Variants in SH3GL2 observed in about 807,000 individuals in gnomAD.
SH3GL2 encodes endophilin-A1.
A neutral mutation model predicts 46.0 loss-of-function variants in SH3GL2; 24 were observed. The observed-to-expected ratio is 0.52, with a 90% confidence interval of 0.38 to 0.73. The LOEUF (loss-of-function observed/expected upper bound fraction) is 0.73. Ranked by LOEUF, SH3GL2 falls within the 30% of genes least tolerant of loss-of-function variation. The pLI is 0.00. For missense variants in SH3GL2, 413 were observed against 424.2 expected, an observed-to-expected ratio of 0.97 and a Z score of 0.23; for synonymous variants, 196 against 147.1, an observed-to-expected ratio of 1.33 and a Z score of -2.40.
At chr9:17,662,568 T>C (rs573211028) in intron 1 of SH3GL2, among the ~76,000 whole-genome samples, 21 of 152,294 alleles carry the variant, frequency 1.4e-4, no homozygotes, top group African/African-American at 5.1e-4. Flanking sequence ...TTTTCTAGTA[T>C]TTAGTGACTC....
chr9:17,604,420 C>G (rs752243261), intron 1 of SH3GL2, among the ~76,000 whole-genome samples: 1 of 152,220 alleles, frequency 6.6e-6, no homozygotes, highest in African/African-American at 2.4e-5. Flanking sequence ...ATAGTATTTT[C>G]ACACAGTAAG....
chr9:17,737,189 C>T (rs572167995), intron 1 of SH3GL2, among the ~76,000 whole-genome samples: 34 of 151,988 alleles, frequency 2.2e-4, no homozygotes, highest in African/African-American at 4.8e-4. Flanking sequence ...ACACCACACA[C>T]TGGCGCCTGT....
At chr9:17,793,916 A>G (rs1247002640) in intron 8 of SH3GL2, among the ~76,000 whole-genome samples, 1 of 152,248 alleles carries the variant, frequency 6.6e-6, no homozygotes, top group Non-Finnish European at 1.5e-5. Flanking sequence ...ATGCATTCGC[A>G]TATAACCCAC....
chr9:17,747,232 G>C, intron 2 of SH3GL2, 98 bp downstream of exon 2: 1 of 676,010 alleles, frequency 1.5e-6, no homozygotes, highest in South Asian at 1.9e-5. Context: ...GTTTTCCACT[G>C]GTCTCTGAGA....
intron 3 of SH3GL2, among the ~76,000 whole-genome samples, chr9:17,764,598 C>T (rs1420610697): frequency 6.6e-6 from 1 of 152,160 alleles, no homozygotes; most frequent in Non-Finnish European, 1.5e-5. Context: ...TTTACATGGA[C>T]AGGCCAGGGG....
intron 3 of SH3GL2, among the ~76,000 whole-genome samples, chr9:17,764,012 G>A (rs10963258): frequency 0.16 from 23,720 of 152,162 alleles, 2,305 homozygotes; most frequent in Middle Eastern, 0.26. Flanking sequence ...TAATTGAGAA[G>A]ATCTGAATGT....
At chr9:17,777,630 G>C (rs1398738391) in intron 3 of SH3GL2, among the ~76,000 whole-genome samples, 1 of 149,300 alleles carries the variant, frequency 6.7e-6, no homozygotes, top group African/African-American at 2.5e-5. Context: ...TCTCTTCCTG[G>C]CTGGTAGTTA....
intron 3 of SH3GL2, among the ~76,000 whole-genome samples, chr9:17,770,106 A>G (rs1256391972): frequency 1.3e-5 from 2 of 152,242 alleles, no homozygotes; most frequent in Non-Finnish European, 2.9e-5. Flanking sequence ...GATCAGTATC[A>G]GAGCTGTTCT....
chr9:17,682,723 C>A (rs73645129), intron 1 of SH3GL2, among the ~76,000 whole-genome samples: 3,729 of 150,896 alleles, frequency 0.025, 63 homozygotes, highest in South Asian at 0.032. Flanking sequence ...AAATAGGACA[C>A]AAGATCTATT....
At chr9:17,682,432 C>T (rs1168426871) in intron 1 of SH3GL2, among the ~76,000 whole-genome samples, 1 of 152,056 alleles carries the variant, frequency 6.6e-6, no homozygotes, top group East Asian at 1.9e-4. Context: ...AGCCAGAAGC[C>T]ATCATCCTCA....
chr9:17,655,470 A>G (rs1820052277), intron 1 of SH3GL2, among the ~76,000 whole-genome samples: 1 of 152,184 alleles, frequency 6.6e-6, no homozygotes. Flanking sequence ...TTACTGCTTC[A>G]TGATATGTTT....
At chr9:17,794,920 T>A (rs1461641614) in intron 8 of SH3GL2, among the ~76,000 whole-genome samples, 1 of 152,212 alleles carries the variant, frequency 6.6e-6, no homozygotes, top group African/African-American at 2.4e-5. Context: ...TACATCCAAT[T>A]TCAGACAGTG....
chr9:17,646,608 C>T (rs1456678898), intron 1 of SH3GL2, among the ~76,000 whole-genome samples: 1 of 152,102 alleles, frequency 6.6e-6, no homozygotes, highest in Non-Finnish European at 1.5e-5. Flanking sequence ...TTCTGTTTGT[C>T]AGTTTTCCTT....
At chr9:17,621,813 C>A (rs758411356) in intron 1 of SH3GL2, among the ~76,000 whole-genome samples, 1 of 152,162 alleles carries the variant, frequency 6.6e-6, no homozygotes, top group Non-Finnish European at 1.5e-5. Context: ...TGTAAAATTT[C>A]TGGTGATTTG....
At chr9:17,605,914 G>A (rs1420130071) in intron 1 of SH3GL2, among the ~76,000 whole-genome samples, 1 of 152,154 alleles carries the variant, frequency 6.6e-6, no homozygotes, top group Admixed American at 6.5e-5. Context: ...GGCCCAGGCA[G>A]TAACTGAACT....
At chr9:17,791,524 C>G (rs776988580) in intron 7 of SH3GL2, among the ~76,000 whole-genome samples, 190 bp downstream of exon 7, 1 of 152,122 alleles carries the variant, frequency 6.6e-6, no homozygotes, top group Non-Finnish European at 1.5e-5. Flanking sequence ...TCTGTTGAAT[C>G]TAATTTTCTG....
chr9:17,738,594 A>AGAG (rs879356627), intron 1 of SH3GL2, among the ~76,000 whole-genome samples: 3 of 140,424 alleles, frequency 2.1e-5, no homozygotes, highest in African/African-American at 7.8e-5. Flanking sequence ...AGAGAGAGAG[A>AGAG]ATTTTATTTC....
rs559842403 is a variant in SH3GL2 at position 17,662,703 on chromosome 9, CTTTT to C, written c.45+83436_45+83439del. On this transcript the variant is annotated intron_variant, in intron 1 of 8. Coordinates refer to ENST00000380607, the MANE Select transcript of SH3GL2 (RefSeq NM_003026.5). Reference sequence around the variant, plus strand: ...CATGCTTTCAGTTTTTTGGCCAAGTCTTTTTTTTTTTTTTTTTTTTTTTGAGACA... The same window carrying C: ...CATGCTTTCAGTTTTTTGGCCAAGTCTTTTTTTTTTTTTTTTTTTGAGACA... Among the ~76,000 whole-genome samples, 74 of 96,938 alleles carry C rather than the reference CTTTT, an allele frequency of 7.6e-4. 2 individuals carry two copies. Among genetic ancestry groups the C allele is most frequent in the African/African-American group, 2.2e-3 (54 of 24,168 alleles). The allele number at this position is 96,938 out of a possible 152,430, so 63.6% of individuals were successfully genotyped here.
At chr9:17,733,056 T>C (rs1822225768) in intron 1 of SH3GL2, among the ~76,000 whole-genome samples, 1 of 152,084 alleles carries the variant, frequency 6.6e-6, no homozygotes, top group Admixed American at 6.6e-5. Flanking sequence ...AGCACAAGTG[T>C]GTACCCGTGG....
Sources: gnomAD v4.1 joint callset for allele counts (sites outside exome capture counted in the v4.1 genomes callset) on GRCh38, gnomAD v4.1.1 for gene constraint, MANE v1.5 for transcripts, NCBI Gene and HGNC (gene_info 2026-07-23, HGNC 2026-07-21) for gene names.